The following LAMC2 variants were observed in gnomAD, a reference collection of about 807,000 sequenced individuals.
LAMC2 encodes laminin subunit gamma 2, also known as laminin subunit gamma-2.
In LAMC2, 97 loss-of-function variants were observed where a neutral mutation model predicts 140.2. The observed-to-expected ratio is 0.69, with a 90% CI of 0.59 to 0.82. The LOEUF is 0.82. Ranked by LOEUF, LAMC2 falls within the 40% of genes least tolerant of loss-of-function variation. LAMC2 has a pLI of 0.00. For missense variants in LAMC2, 1,402 were observed against 1,476.1 expected, an observed-to-expected ratio of 0.95 and a Z score of 0.82; for synonymous variants, 513 against 540.2, an observed-to-expected ratio of 0.95 and a Z score of 0.70.
chr1:183,203,114 T>C (rs1289212801), intron 1 of LAMC2, among the ~76,000 whole-genome samples: 2 of 152,204 alleles, frequency 1.3e-5, no homozygotes, highest in Non-Finnish European at 2.9e-5. Flanking sequence ...CAAAAATATA[T>C]ATTTTTTTAA....
rs375326222 is a variant in LAMC2, at chr1:183,215,465, C to T, written c.281C>T (p.Ala94Val). The T allele has an allele frequency of 1.2e-6, 2 of 1,614,036 alleles. No individual in the cohort carries two copies. The highest frequency in any genetic ancestry group is 2.2e-5 in the East Asian group (1 of 44,874). ...TTGTGGGTTTCAGGTTCTCTTAGTGCTCGATGTGACAACTCCGGACGGTGC... is the reference window on the plus strand; with the variant it reads ...TTGTGGGTTTCAGGTTCTCTTAGTGTTCGATGTGACAACTCCGGACGGTGC... ...CNCNSKGSLS[A>V]RCDNSGRCSC... Residue 94 changes from alanine to valine, a missense_variant, in exon 3 of 23, where the codon GCT (alanine) becomes GTT (valine). This residue lies in a region of LAMC2 where 723 missense variants were observed against 783.3 expected (regional missense o/e 0.92). Coordinates refer to ENST00000264144, the MANE Select transcript of LAMC2 (RefSeq NM_005562.3).
In LAMC2 at chr1:183,239,866, TGAGGCA is replaced by T. The variant is rs1660076790; in HGVS notation, c.3070-170_3070-165del. ...AGTCATACCCCCAGATTAGCTTGTT[TGAGGCA>T]GAGCTTGGCAAAGTACCCCTGTCCC... is the stretch of plus-strand genomic sequence containing the variant. On this transcript the variant is annotated intron_variant, in intron 20 of 22. Transcript: ENST00000264144. 3 of 766,848 alleles carry T rather than the reference TGAGGCA, an allele frequency of 3.9e-6. No homozygotes were observed. The South Asian group carries it at 4.7e-5, about 12-fold the overall frequency. 47.5% of individuals were successfully genotyped at this position (766,848 alleles called of 1,614,324 possible). A position where few individuals can be genotyped will look rare whatever the true frequency, so the allele number is the denominator to read the frequency against.
At chr1:183,235,474 A>G in intron 15 of LAMC2, 101 bp from the exon 16 acceptor site, 1 of 1,327,518 alleles carries the variant, frequency 7.5e-7, no homozygotes, top group Non-Finnish European at 1.1e-6. Context: ...GTTTTTCTAA[A>G]TCAGACCAGC....
At chr1:183,254,927 A>G in the LAMC2 span, among the ~76,000 whole-genome samples, 1 of 151,980 alleles carries the variant, frequency 6.6e-6, no homozygotes, top group Non-Finnish European at 1.5e-5. Context: ...TTGAAGTCCC[A>G]TTTATTTATT....
chr1:183,230,954 T>A lies in LAMC2; in HGVS notation c.1715-7T>A, dbSNP rs866452898. On this transcript the variant is annotated splice_region_variant and splice_polypyrimidine_tract_variant and intron_variant, in intron 11 of 22. Coordinates refer to ENST00000264144, the MANE Select transcript of LAMC2 (RefSeq NM_005562.3). ...ATGTGAATGCTCCATTTGTCTTTTG[T>A]CTCTAGCTTGCAACTGTAACCCCAT... 1 of 1,614,056 alleles carries A rather than the reference T, an allele frequency of 6.2e-7. No individual in the cohort carries two copies. The highest frequency in any genetic ancestry group is 8.5e-7 in the Non-Finnish European group (1 of 1,180,022).
chr1:183,220,222 A>G (rs1458644779), intron 4 of LAMC2, among the ~76,000 whole-genome samples: 2 of 152,092 alleles, frequency 1.3e-5, no homozygotes, highest in Non-Finnish European at 2.9e-5. Context: ...TTGAGCTGGG[A>G]GCAGAGGTGG....
chr1:183,242,178 C>T (rs1660150378), intron 22 of LAMC2, among the ~76,000 whole-genome samples: 2 of 152,174 alleles, frequency 1.3e-5, no homozygotes, highest in Admixed American at 1.3e-4. Context: ...TTCCCATAGA[C>T]AAGGTTATTT....
At chr1:183,252,624 C>G in the LAMC2 span, 2 of 1,576,764 alleles carry the variant, frequency 1.3e-6, no homozygotes, top group Non-Finnish European at 1.7e-6. Context: ...ATTGTGTTGC[C>G]GGAGGACGAG....
intron 19 of LAMC2, 28 bp from the exon 20 acceptor site, chr1:183,239,336 C>T (rs370228088): frequency 7.1e-5 from 114 of 1,605,930 alleles, no homozygotes; most frequent in Non-Finnish European, 8.7e-5. Context: ...TTCATCTTCA[C>T]GGCAGTTTTT....
intron 1 of LAMC2, 22 bp downstream of exon 1, chr1:183,186,453 A>G: frequency 6.2e-7 from 1 of 1,600,814 alleles, no homozygotes; most frequent in Non-Finnish European, 8.5e-7. Context: ...TCCACAAGGA[A>G]ACATCTCAGC....
chr1:183,232,251 A>T lies in LAMC2; in HGVS notation c.1922A>T (p.Asp641Val), dbSNP rs1412757633. 1.2e-6 allele frequency: 2 copies of T among 1,613,962 alleles called. No homozygotes were observed. The highest frequency in any genetic ancestry group is 1.7e-6 in the Non-Finnish European group (2 of 1,180,030). ...EALISKAQGG[D>V]GVVPDTELEG... ...CTGATTTCAAAGGCTCAGGGTGGTG[A>T]TGGAGTAGTACCTGATACAGAGCTG... The change falls in exon 13 of 23, where the codon GAT (aspartate) becomes GTT (valine). Residue 641 changes from aspartate (D) to valine (V), a missense_variant. Asp to Val is a radical substitution (Grantham distance 152). Around this residue, in one of 3 missense-constraint regions of LAMC2, gnomAD observed 670 missense variants for 667.2 expected, o/e 1.00. Coordinates refer to ENST00000264144, the MANE Select transcript of LAMC2 (RefSeq NM_005562.3).
the LAMC2 span, among the ~76,000 whole-genome samples, chr1:183,253,904 C>CGTGTGTGTGT: frequency 6.0e-4 from 87 of 144,366 alleles, 1 homozygote; most frequent in Non-Finnish European, 5.2e-4. Context: ...GTTCCACTTC[C>CGTGTGTGTGT]GTGTGTGTGT....
At chr1:183,231,813 C>G (rs1342030527) in intron 12 of LAMC2, among the ~76,000 whole-genome samples, 1 of 152,206 alleles carries the variant, frequency 6.6e-6, no homozygotes, top group African/African-American at 2.4e-5. Flanking sequence ...TTACGCACTT[C>G]CTTTGTGTCA....
Position 183,227,682 on chromosome 1 carries a change from C to T in LAMC2, c.1453C>T (p.Pro485Ser). ...GGAGGAGGTGGTGTGCAATAACTGC[C>T]CTCCCGGGGTCACCGGTAAGGCCAT... The part of the protein sequence containing the change: ...ETEEVVCNNC[P>S]PGVTGARCEL... The change falls in exon 10 of 23, where the codon CCT (proline) becomes TCT (serine). Residue 485 changes from proline to serine, a missense_variant. By Grantham distance (74) the Pro-to-Ser change is moderately conservative. Transcript: ENST00000264144. 6.2e-7 allele frequency: 1 copy of T among 1,614,168 alleles called. No homozygotes were observed. Among genetic ancestry groups the T allele is most frequent in the South Asian group, 1.1e-5 (1 of 91,078 alleles).
At chr1:183,254,213 A>C in the LAMC2 span, among the ~76,000 whole-genome samples, 1 of 152,164 alleles carries the variant, frequency 6.6e-6, no homozygotes, top group Non-Finnish European at 1.5e-5. Flanking sequence ...AACAGTGTAC[A>C]AGGGTTCCCT....
In LAMC2 at chr1:183,231,059, G is replaced by A; in HGVS notation, c.1813G>A (p.Gly605Arg). The A allele has an allele frequency of 6.2e-7, 1 of 1,614,132 alleles. No homozygotes were observed. Among genetic ancestry groups the A allele is most frequent in the Non-Finnish European group, 8.5e-7 (1 of 1,180,020 alleles). ...PGFGGPNCEH[G>R]AFSCPACYNQ... is the part of the protein sequence containing the mutation. The stretch of plus-strand genomic sequence containing the variant: ...ATTTGGTGGCCCCAACTGTGAGCAT[G>A]GAGCATTCAGCTGTCCAGCTTGCTA... Residue 605 changes from glycine to arginine, a missense_variant, in exon 12 of 23, where the codon GGA becomes AGA. Gly to Arg is a moderately radical substitution (Grantham distance 125). Coordinates refer to ENST00000264144, the MANE Select transcript of LAMC2 (RefSeq NM_005562.3).
chr1:183,227,645 G>A lies in LAMC2; in HGVS notation c.1416G>A (p.Val472=), dbSNP rs375070184. Residue 472 remains valine, a synonymous_variant, in exon 10 of 23, where the codon GTG becomes GTA. Coordinates refer to ENST00000264144, the MANE Select transcript of LAMC2 (RefSeq NM_005562.3). ...GTCATAACGGGTTCAGCTGCTCAGTGATGCCGGAGACGGAGGAGGTGGTGT... is the reference window on the plus strand; with the variant it reads ...GTCATAACGGGTTCAGCTGCTCAGTAATGCCGGAGACGGAGGAGGTGGTGT... ...CPCHNGFSCS[V]MPETEEVVCN... The A allele has an allele frequency of 3.7e-6, 6 of 1,614,098 alleles. No homozygotes were observed. Among genetic ancestry groups the A allele is most frequent in the Admixed American group, 1.7e-5 (1 of 60,008 alleles).
At chr1:183,241,512 G>A (rs1224765013) in intron 22 of LAMC2, among the ~76,000 whole-genome samples, 1 of 152,170 alleles carries the variant, frequency 6.6e-6, no homozygotes, top group Admixed American at 6.5e-5. Context: ...TTTAGGTAGA[G>A]CTGATATCAA....
At chr1:183,196,730 T>G (rs1471881320) in intron 1 of LAMC2, among the ~76,000 whole-genome samples, 1 of 150,710 alleles carries the variant, frequency 6.6e-6, no homozygotes, top group Non-Finnish European at 1.5e-5. Flanking sequence ...ATAAGGTATA[T>G]TAAGATTTAG....
Sources: allele counts gnomAD v4.1 joint callset (sites outside exome capture counted in the v4.1 genomes callset), GRCh38; gene constraint gnomAD v4.1.1; regional missense constraint gnomAD v4.1.1; transcripts MANE v1.5; gene names NCBI Gene and HGNC (gene_info 2026-07-23, HGNC 2026-07-21).